PTPRD: variants seen among roughly 807,000 people sequenced by gnomAD.
The protein encoded by PTPRD is receptor-type tyrosine-protein phosphatase delta.
Under a neutral mutation model 214.5 loss-of-function variants are expected in PTPRD, and 34 were observed. That is an observed-to-expected ratio of 0.16 (90% CI 0.12 to 0.21). PTPRD has a LOEUF of 0.21. Ranked by LOEUF, PTPRD falls within the 10% of genes least tolerant of loss-of-function variation. The pLI, the probability that PTPRD is intolerant of heterozygous loss-of-function variation, is 1.00. For missense variants in PTPRD, 2,545 were observed against 2,398.7 expected, an observed-to-expected ratio of 1.06 and a Z score of -1.27; for synonymous variants, 1,128 against 845.7, an observed-to-expected ratio of 1.33 and a Z score of -5.79.
intron 11 of PTPRD, among the ~76,000 whole-genome samples, chr9:8,773,842 G>C (rs1052307603): frequency 3.3e-5 from 5 of 152,086 alleles, no homozygotes; most frequent in African/African-American, 1.2e-4. Context: ...GCTGTTTCCT[G>C]TCTAGAACTC....
intron 2 of PTPRD, among the ~76,000 whole-genome samples, chr9:10,459,292 G>A (rs1360547744): frequency 1.3e-5 from 2 of 150,378 alleles, no homozygotes; most frequent in East Asian, 2.0e-4. Flanking sequence ...TTTATCCAAT[G>A]TATTATTGAT....
At chr9:9,161,319 G>C (rs566245398) in intron 10 of PTPRD, among the ~76,000 whole-genome samples, 3 of 152,012 alleles carry the variant, frequency 2.0e-5, no homozygotes, top group Non-Finnish European at 4.4e-5. Context: ...ATTATGATTT[G>C]TCAATTGAAA....
intron 10 of PTPRD, among the ~76,000 whole-genome samples, chr9:9,148,491 C>G (rs909773913): frequency 6.6e-6 from 1 of 152,088 alleles, no homozygotes; most frequent in Non-Finnish European, 1.5e-5. Flanking sequence ...GATATCCTGT[C>G]ATTTGATACA....
Position 8,939,576 on chromosome 9 carries a change from A to AACACAC in PTPRD, c.-104+79115_-104+79120dup, listed in dbSNP as rs5896283. On this transcript the variant is annotated intron_variant, in intron 11 of 45. Transcript: ENST00000381196. ...TCTATGTGTATGTTGATATATACAT[A>AACACAC]ACACACACACACACATCAGCTTATT... is the stretch of plus-strand genomic sequence containing the variant. 2.8e-4 allele frequency among the ~76,000 whole-genome samples: 42 copies of AACACAC among 150,438 alleles called. 1 individual carries two copies. Among genetic ancestry groups the AACACAC allele is most frequent in the African/African-American group, 9.7e-4 (40 of 41,224 alleles).
At chr9:9,703,260 T>TA (rs1475365788) in intron 7 of PTPRD, among the ~76,000 whole-genome samples, 1 of 152,148 alleles carries the variant, frequency 6.6e-6, no homozygotes, top group African/African-American at 2.4e-5. Flanking sequence ...GAGGCCTTCC[T>TA]AGCCATGCTG....
At chr9:8,826,462 C>T (rs2097177107) in intron 11 of PTPRD, among the ~76,000 whole-genome samples, 1 of 152,084 alleles carries the variant, frequency 6.6e-6, no homozygotes, top group Non-Finnish European at 1.5e-5. Flanking sequence ...TCACCCAGTC[C>T]ACCACCCTCC....
At chr9:8,335,269 C>G (rs1431128047) in intron 43 of PTPRD, among the ~76,000 whole-genome samples, 3 of 151,190 alleles carry the variant, frequency 2.0e-5, no homozygotes, top group Non-Finnish European at 4.4e-5. Flanking sequence ...CCGAATCCAG[C>G]AGCACATCAA....
At chr9:9,767,989 A>C (rs2098720313) in intron 5 of PTPRD, among the ~76,000 whole-genome samples, 1 of 152,176 alleles carries the variant, frequency 6.6e-6, no homozygotes, top group Admixed American at 6.5e-5. Flanking sequence ...TCATCGAAAC[A>C]GCACAAAATA....
chr9:9,060,714 G>A (rs1030222906), intron 10 of PTPRD, among the ~76,000 whole-genome samples: 2 of 152,086 alleles, frequency 1.3e-5, no homozygotes, highest in Admixed American at 6.5e-5. Context: ...CAGAGAGACT[G>A]TTTCTCTGAT....
intron 4 of PTPRD, among the ~76,000 whole-genome samples, chr9:9,986,579 G>A (rs1236303126): frequency 1.3e-5 from 2 of 152,126 alleles, no homozygotes; most frequent in Non-Finnish European, 2.9e-5. Context: ...GCAATGAGAG[G>A]CTTGTATTGT....
At chr9:8,950,725 G>C (rs766020493) in intron 11 of PTPRD, among the ~76,000 whole-genome samples, 1 of 146,964 alleles carries the variant, frequency 6.8e-6, no homozygotes, top group Non-Finnish European at 1.5e-5. Flanking sequence ...TTTTTAAATA[G>C]AGCTTGAAAG....
At chr9:8,626,440 G>C (rs1045943898) in intron 14 of PTPRD, among the ~76,000 whole-genome samples, 7 of 151,704 alleles carry the variant, frequency 4.6e-5, no homozygotes, top group Non-Finnish European at 8.8e-5. Flanking sequence ...GCTCAATTCT[G>C]ACCTACCATT....
intron 7 of PTPRD, among the ~76,000 whole-genome samples, chr9:9,655,700 G>C (rs957652982): frequency 1.3e-5 from 2 of 151,844 alleles, no homozygotes; most frequent in African/African-American, 4.8e-5. Flanking sequence ...GAAAAGAGCT[G>C]GGTGCGGTGG....
rs1198862968 is a variant in PTPRD at position 8,949,592 on chromosome 9, T to C, written c.-104+69105A>G. On this transcript the variant is annotated intron_variant, in intron 11 of 45. Coordinates refer to ENST00000381196, the MANE Select transcript of PTPRD (RefSeq NM_002839.4). ...AGCAAAACGTTTTGCTAATGTGATG[T>C]TGAGGTTACAAATTTAAATACATTG... Among the ~76,000 whole-genome samples the C allele has an allele frequency of 3.3e-5, 5 of 152,126 alleles. No individual in the cohort carries two copies. The East Asian group carries it at 9.6e-4, about 29-fold the overall frequency.
At chr9:10,046,250 A>G (rs1161649724) in intron 3 of PTPRD, among the ~76,000 whole-genome samples, 1 of 151,812 alleles carries the variant, frequency 6.6e-6, no homozygotes, top group Non-Finnish European at 1.5e-5. Flanking sequence ...GCTTTATCTA[A>G]TTATTTTCTC....
intron 44 of PTPRD, among the ~76,000 whole-genome samples, chr9:8,330,232 T>C (rs1838696879): frequency 6.6e-6 from 1 of 152,066 alleles, no homozygotes; most frequent in African/African-American, 2.4e-5. Context: ...CCCAATGAGA[T>C]GAAATGGGAA....
intron 3 of PTPRD, among the ~76,000 whole-genome samples, chr9:10,208,941 T>G (rs541767081): frequency 1.3e-5 from 2 of 152,186 alleles, no homozygotes; most frequent in East Asian, 3.9e-4. Context: ...CCTTAAGGAG[T>G]AGAAAAGGTG....
chr9:8,538,723 C>T (rs2077584315), intron 14 of PTPRD, among the ~76,000 whole-genome samples: 2 of 151,656 alleles, frequency 1.3e-5, no homozygotes, highest in Admixed American at 6.6e-5. Context: ...CACAAACATA[C>T]ATTCTTTATA....
chr9:8,463,824 G>A (rs1333500424), intron 32 of PTPRD, among the ~76,000 whole-genome samples: 1 of 151,800 alleles, frequency 6.6e-6, no homozygotes, highest in Non-Finnish European at 1.5e-5. Flanking sequence ...TCTACCCTTG[G>A]AACATTGTTA....
Sources: allele counts gnomAD v4.1 joint callset (sites outside exome capture counted in the v4.1 genomes callset), GRCh38; gene constraint gnomAD v4.1.1; transcripts MANE v1.5; gene names NCBI Gene and HGNC (gene_info 2026-07-23, HGNC 2026-07-21).